The following ABITRAM variants were observed in gnomAD, a reference collection of about 807,000 sequenced individuals.
The protein encoded by ABITRAM is actin binding transcription modulator, also known as protein Abitram.
A neutral mutation model predicts 22.9 loss-of-function variants in ABITRAM; 19 were observed. The observed-to-expected ratio is 0.83, with a 90% CI of 0.58 to 1.22. The LOEUF is 1.22. ABITRAM is among the 50% of genes most tolerant of loss of function. The probability of loss-of-function intolerance (pLI) is 0.00; values close to 1 mark genes in which losing one functional copy is unlikely to be tolerated. For missense variants in ABITRAM, 215 were observed against 220.2 expected (o/e 0.98, Z 0.15); for synonymous variants, 70 against 73.9 (o/e 0.95, Z 0.27).
At chr9:108,942,742 T>C (rs1204937205), downstream of ABITRAM, 1 of 1,384,294 alleles carries the variant, frequency 7.2e-7, no homozygotes, top group Non-Finnish European at 1.0e-6. Flanking sequence ...TCACATGATG[T>C]TCCAGAGATC....
intron 3 of ABITRAM, among the ~76,000 whole-genome samples, chr9:108,949,144 G>T (rs1830485933): frequency 1.3e-5 from 2 of 151,930 alleles, no homozygotes; most frequent in African/African-American, 4.8e-5. Flanking sequence ...CCTGAAGAAG[G>T]GCTATAAATC....
intron 1 of ABITRAM, among the ~76,000 whole-genome samples, chr9:108,935,333 A>G (rs1339446407): frequency 6.6e-6 from 1 of 152,216 alleles, no homozygotes; most frequent in Non-Finnish European, 1.5e-5. Flanking sequence ...AAAGAACGGG[A>G]TGCTAATTGC....
At chr9:108,943,047 A>G (rs1346160003), downstream of ABITRAM, 2 of 1,604,826 alleles carry the variant, frequency 1.2e-6, no homozygotes, top group South Asian at 1.1e-5. Context: ...TTGTCAACCT[A>G]CAATGACAAA....
At chr9:108,950,502 T>C in intron 3 of ABITRAM, 1 of 1,548,112 alleles carries the variant, frequency 6.5e-7, no homozygotes, top group Non-Finnish European at 8.7e-7. Flanking sequence ...GCCTTCTTTT[T>C]CCAGAGAATT....
chr9:108,948,084 T>G (rs1356815580), intron 3 of ABITRAM: 5 of 1,305,206 alleles, frequency 3.8e-6, no homozygotes, highest in Non-Finnish European at 5.4e-6. Context: ...TAGGTACAGA[T>G]GTAAGCATAT....
In ABITRAM at chr9:108,947,441, T is replaced by C. The variant is rs569909948; in HGVS notation, c.262-3066T>C. Among the ~76,000 whole-genome samples, 3 of 152,286 alleles carry C rather than the reference T, an allele frequency of 2.0e-5. No homozygotes were observed. The South Asian group carries it at 6.2e-4, about 32-fold the overall frequency. On this transcript the variant is annotated intron_variant, in intron 3 of 3. Coordinates refer to the ABITRAM transcript ENST00000374624. Reference sequence around the variant, plus strand: ...AGTGATAGAAATTTCAAATCTCAGATGTACATGGGAATGCCAAAGGAGACT... The same window carrying C: ...AGTGATAGAAATTTCAAATCTCAGACGTACATGGGAATGCCAAAGGAGACT...
At chr9:108,946,076 G>A (rs1407630003) in intron 3 of ABITRAM, among the ~76,000 whole-genome samples, 1 of 151,998 alleles carries the variant, frequency 6.6e-6, no homozygotes, top group Non-Finnish European at 1.5e-5. Flanking sequence ...TGAGGCGGGC[G>A]AATCACAAGG....
At chr9:108,942,837 G>A (rs1048824705), downstream of ABITRAM, 5 of 1,613,116 alleles carry the variant, frequency 3.1e-6, no homozygotes, top group African/African-American at 5.4e-5. Context: ...ATCTGAAGCT[G>A]GAAAGAGTTA....
chr9:108,945,641 T>G (rs561623529), downstream of ABITRAM, among the ~76,000 whole-genome samples: 7,475 of 148,190 alleles, frequency 0.05, 269 homozygotes, highest in East Asian at 0.12. Context: ...TTTTTTTTTT[T>G]TGTTTTGTTT....
intron 2 of ABITRAM, chr9:108,935,897 G>C (rs1055344581): frequency 1.2e-5 from 7 of 564,352 alleles, no homozygotes; most frequent in Non-Finnish European, 2.2e-5. Flanking sequence ...ATATAAATTT[G>C]ATTACTCAAA....
At chr9:108,946,175 T>G (rs1486239972) in intron 3 of ABITRAM, among the ~76,000 whole-genome samples, 2 of 151,938 alleles carry the variant, frequency 1.3e-5, no homozygotes, top group Non-Finnish European at 2.9e-5. Context: ...AGCGCACACC[T>G]GTAGTCCCAG....
At chr9:108,941,090 A>T (rs753240947), downstream of ABITRAM, 11 of 152,304 alleles carry the variant, frequency 7.2e-5, 1 homozygote, top group South Asian at 8.3e-4. Flanking sequence ...CAAAAATATT[A>T]TCTAATGAAA....
chr9:108,943,824 G>A, downstream of ABITRAM: 1 of 1,611,826 alleles, frequency 6.2e-7, no homozygotes, highest in Non-Finnish European at 8.5e-7. Flanking sequence ...CAGCTGAAAT[G>A]TAATTTAACA....
Position 108,935,710 on chromosome 9 carries a change from A to C in ABITRAM, c.131+21A>C, listed in dbSNP as rs777848865. 36 of 1,595,828 alleles carry C rather than the reference A, an allele frequency of 2.3e-5. No homozygotes were observed. In the African/African-American group the frequency reaches 4.8e-4, roughly 21 times the overall value. ...AACCGGTAAGCAAATTGGGAATTTT[A>C]AATTATCAAAAATTTTTTTTTCCTG... On this transcript the variant is annotated intron_variant, in intron 2 of 5. Coordinates refer to ENST00000322940, the MANE Select transcript of ABITRAM (RefSeq NM_017832.4).
chr9:108,946,670 G>C (rs1225823982), intron 3 of ABITRAM, among the ~76,000 whole-genome samples: 2 of 152,168 alleles, frequency 1.3e-5, no homozygotes, highest in Non-Finnish European at 2.9e-5. Flanking sequence ...TAAGCTCTAT[G>C]GGGGCAGGAG....
rs1002957811 is a variant in ABITRAM at position 108,947,882 on chromosome 9, C to T, written c.262-2625C>T. Among the ~76,000 whole-genome samples, 3 of 152,192 alleles carry T rather than the reference C, an allele frequency of 2.0e-5. No individual in the cohort carries two copies. The South Asian group carries it at 6.2e-4, about 32-fold the overall frequency. ...TTCTAGAACTCTGGATTTGCATCTGCTTACAGGATATTTTCACCTACTTAG... is the reference window on the plus strand; with the variant it reads ...TTCTAGAACTCTGGATTTGCATCTGTTTACAGGATATTTTCACCTACTTAG... On this transcript the variant is annotated intron_variant, in intron 3 of 3. Coordinates refer to the ABITRAM transcript ENST00000374624.
chr9:108,934,777 G>T (rs1455956227), intron 1 of ABITRAM, among the ~76,000 whole-genome samples: 1 of 152,182 alleles, frequency 6.6e-6, no homozygotes, highest in Non-Finnish European at 1.5e-5. Flanking sequence ...TGGGGCCGGC[G>T]ATTGCAGTGC....
At chr9:108,942,769 T>G (rs201479674), downstream of ABITRAM, 18 of 1,602,346 alleles carry the variant, frequency 1.1e-5, no homozygotes, top group Non-Finnish European at 1.5e-5. Flanking sequence ...CAAAAGCTTC[T>G]CAAGTTTTAC....
At chr9:108,941,059 A>G (rs1027032888), downstream of ABITRAM, 26 of 152,152 alleles carry the variant, frequency 1.7e-4, no homozygotes, top group African/African-American at 4.8e-4. Context: ...TTCACTAGAG[A>G]ACAGTATTTT....
Sources: allele counts gnomAD v4.1 joint callset (sites outside exome capture counted in the v4.1 genomes callset), GRCh38; gene constraint gnomAD v4.1.1; transcripts MANE v1.5; gene names NCBI Gene and HGNC (gene_info 2026-07-23, HGNC 2026-07-21).